The following SLC22A3 variants were observed in gnomAD, a reference collection of about 807,000 sequenced individuals.
The protein encoded by SLC22A3 is solute carrier family 22 member 3, also known as EMT organic cation transporter 3.
A neutral mutation model predicts 59.1 loss-of-function variants in SLC22A3; 51 were observed. That is an observed-to-expected ratio of 0.86 (90% CI 0.69 to 1.09). The LOEUF is 1.09. SLC22A3 is among the 50% of genes least tolerant of loss of function. The pLI, the probability that SLC22A3 is intolerant of heterozygous loss-of-function variation, is 0.00. For missense variants in SLC22A3, 711 were observed against 726.3 expected (o/e 0.98, Z 0.24); for synonymous variants, 325 against 292.0 (o/e 1.11, Z -1.15).
chr6:160,405,241 C>A (rs951182123), intron 2 of SLC22A3, among the ~76,000 whole-genome samples: 7 of 151,942 alleles, frequency 4.6e-5, no homozygotes, highest in Non-Finnish European at 1.0e-4. Context: ...AAAAAGCGGG[C>A]CAAAGATCTT....
intron 10 of SLC22A3, among the ~76,000 whole-genome samples, chr6:160,450,246 C>T (rs535522553): frequency 1.9e-4 from 29 of 152,126 alleles, no homozygotes; most frequent in Non-Finnish European, 2.4e-4. Flanking sequence ...CCCCTAGGAA[C>T]GCATTCCTTT....
At chr6:160,364,522 A>G (rs1051109932) in intron 1 of SLC22A3, among the ~76,000 whole-genome samples, 3 of 152,196 alleles carry the variant, frequency 2.0e-5, no homozygotes, top group African/African-American at 7.2e-5. Context: ...AAAGTATACA[A>G]ATTGGATTGG....
At chr6:160,392,775 G>T (rs1786312770) in intron 1 of SLC22A3, among the ~76,000 whole-genome samples, 1 of 152,098 alleles carries the variant, frequency 6.6e-6, no homozygotes, top group African/African-American at 2.4e-5. Context: ...ATTAGGCTCT[G>T]TTATGGTACT....
At chr6:160,396,900 A>G (rs1786494659) in intron 1 of SLC22A3, among the ~76,000 whole-genome samples, 1 of 152,212 alleles carries the variant, frequency 6.6e-6, no homozygotes, top group East Asian at 1.9e-4. Flanking sequence ...GTATGGTGAC[A>G]AAACCTATAA....
At chr6:160,398,851 A>G (rs935897956) in intron 2 of SLC22A3, among the ~76,000 whole-genome samples, 1 of 151,816 alleles carries the variant, frequency 6.6e-6, no homozygotes. Flanking sequence ...TATCTGGCCT[A>G]ATATTGTTCT....
intron 1 of SLC22A3, among the ~76,000 whole-genome samples, chr6:160,381,156 CA>C (rs923414869): frequency 2.0e-5 from 3 of 151,574 alleles, no homozygotes; most frequent in Admixed American, 6.6e-5. Flanking sequence ...ATTTCCAAGG[CA>C]AAAAAACAAA....
chr6:160,432,274 C>T (rs1337463147), intron 5 of SLC22A3, among the ~76,000 whole-genome samples: 1 of 152,120 alleles, frequency 6.6e-6, no homozygotes, highest in African/African-American at 2.4e-5. Context: ...GAAGGAGACT[C>T]AGCTCCCACA....
intron 5 of SLC22A3, chr6:160,426,187 C>T (rs1205888491): frequency 1.0e-6 from 1 of 985,322 alleles, no homozygotes; most frequent in African/African-American, 1.7e-5. Flanking sequence ...CTCTGGAATA[C>T]TTCTCAGCAT....
At chr6:160,365,863 C>T (rs933139273) in intron 1 of SLC22A3, among the ~76,000 whole-genome samples, 6 of 152,034 alleles carry the variant, frequency 3.9e-5, no homozygotes, top group Admixed American at 2.0e-4. Flanking sequence ...GTAAACACTT[C>T]CTTCTTCACA....
chr6:160,397,168 A>G (rs1786506628), intron 1 of SLC22A3, among the ~76,000 whole-genome samples: 1 of 152,130 alleles, frequency 6.6e-6, no homozygotes. Flanking sequence ...AGATGGTTTC[A>G]GGTGAAACTA....
At chr6:160,395,116 G>A (rs1433960726) in intron 1 of SLC22A3, among the ~76,000 whole-genome samples, 1 of 152,168 alleles carries the variant, frequency 6.6e-6, no homozygotes, top group East Asian at 1.9e-4. Flanking sequence ...TGTTATCGCT[G>A]CACTTTAACC....
chr6:160,374,956 C>G (rs2114781740), intron 1 of SLC22A3, among the ~76,000 whole-genome samples: 1 of 152,304 alleles, frequency 6.6e-6, no homozygotes, highest in African/African-American at 2.4e-5. Flanking sequence ...CAGGTGCACT[C>G]CACAGAGACA....
At chr6:160,349,318 T>G (rs566892762) in intron 1 of SLC22A3, among the ~76,000 whole-genome samples, 1 of 152,298 alleles carries the variant, frequency 6.6e-6, no homozygotes, top group African/African-American at 2.4e-5. Context: ...AACCAACGTT[T>G]GAAGGCAGCA....
chr6:160,450,051 G>C (rs1788891967), intron 10 of SLC22A3, among the ~76,000 whole-genome samples: 1 of 152,164 alleles, frequency 6.6e-6, no homozygotes, highest in Non-Finnish European at 1.5e-5. Flanking sequence ...GTATTGTCTT[G>C]ATAAACATCT....
chr6:160,390,821 T>C (rs762597349), intron 1 of SLC22A3, among the ~76,000 whole-genome samples: 42 of 152,028 alleles, frequency 2.8e-4, no homozygotes, highest in Non-Finnish European at 5.1e-4. Flanking sequence ...TTTCAGAAAA[T>C]AGAAATTGAT....
chr6:160,391,753 G>A lies in SLC22A3; in HGVS notation c.430-6226G>A, dbSNP rs1786267680. The stretch of plus-strand genomic sequence containing the variant: ...ACAAAGAAATAAAACAGCCTGGAGA[G>A]AGAGGGGCTGACGTATCATATGTAT... On this transcript the variant is annotated intron_variant, in intron 1 of 10. Coordinates refer to ENST00000275300, the MANE Select transcript of SLC22A3 (RefSeq NM_021977.4). Among the ~76,000 whole-genome samples, 3 of 152,232 alleles carry A rather than the reference G, an allele frequency of 2.0e-5. No homozygotes were observed. In the South Asian group the frequency reaches 6.2e-4, roughly 32 times the overall value.
At chr6:160,426,132 G>A in intron 5 of SLC22A3, 1 of 985,374 alleles carries the variant, frequency 1.0e-6, no homozygotes, top group Non-Finnish European at 1.2e-6. Context: ...TTATTTTGAG[G>A]TGCATCTAAA....
In SLC22A3 at chr6:160,430,367, C is replaced by T. The variant is rs548953610; in HGVS notation, c.976-6413C>T. On this transcript the variant is annotated intron_variant, in intron 5 of 10. Transcript: ENST00000275300. ...AACCCTGACTGTCTTTTTTCTGACC[C>T]GAGACCAGTCCTCCACGTGGGGAGC... 5.3e-5 allele frequency among the ~76,000 whole-genome samples: 8 copies of T among 152,008 alleles called. No individual in the cohort carries two copies. The East Asian group carries it at 1.5e-3, about 29-fold the overall frequency.
intron 1 of SLC22A3, among the ~76,000 whole-genome samples, chr6:160,393,279 A>T (rs573751242): frequency 5.2e-4 from 78 of 150,706 alleles, no homozygotes; most frequent in Middle Eastern, 3.5e-3. Flanking sequence ...TTATTTATTT[A>T]TTTTATTTAT....
Sources: gnomAD v4.1 joint callset for allele counts (sites outside exome capture counted in the v4.1 genomes callset) on GRCh38, gnomAD v4.1.1 for gene constraint, MANE v1.5 for transcripts, NCBI Gene and HGNC (gene_info 2026-07-23, HGNC 2026-07-21) for gene names.